Variants in COMMD10 observed in about 807,000 individuals in gnomAD.
COMMD10 encodes the protein COMM domain-containing protein 10.
A neutral mutation model predicts 28.9 loss-of-function variants in COMMD10; 33 were observed. That is an observed-to-expected ratio of 1.14 (90% CI 0.87 to 1.53). COMMD10 has a LOEUF of 1.53. Ranked by LOEUF, COMMD10 falls within the 40% of genes most tolerant of loss-of-function variation. COMMD10 has a pLI of 0.00. For synonymous variants in COMMD10, 110 were observed against 81.7 expected (o/e 1.35, Z -1.87); for missense variants, 310 against 233.4 (o/e 1.33, Z -2.14).
chr5:116,287,889 A>G (rs994753838), intron 5 of COMMD10, among the ~76,000 whole-genome samples: 2 of 151,680 alleles, frequency 1.3e-5, no homozygotes, highest in Non-Finnish European at 2.9e-5. Flanking sequence ...TACAAATTAC[A>G]TTTCTATATA....
Position 116,262,011 on chromosome 5 carries a change from A to G in COMMD10, c.511-29506A>G, listed in dbSNP as rs144240242. ...ACAATCCTTAGAGATCTAAGTTTGT[A>G]TTATTTTTTCCACTTTCAGATAAAG... On this transcript the variant is annotated intron_variant, in intron 5 of 6. Transcript: ENST00000274458. Among the ~76,000 whole-genome samples the G allele has an allele frequency of 3.5e-3, 532 of 151,812 alleles. 4 individuals carry two copies. Among genetic ancestry groups the G allele is most frequent in the Middle Eastern group, 0.02 (6 of 294 alleles).
chr5:116,120,611 T>A (rs1336992414), intron 4 of COMMD10, among the ~76,000 whole-genome samples: 5 of 152,196 alleles, frequency 3.3e-5, no homozygotes. Context: ...CAACCCCTGC[T>A]CTACATTCTG....
intron 5 of COMMD10, among the ~76,000 whole-genome samples, chr5:116,269,535 T>C (rs1750699584): frequency 6.6e-6 from 1 of 151,902 alleles, no homozygotes; most frequent in African/African-American, 2.4e-5. Context: ...AGTGATATTT[T>C]CACCTGGTAT....
At chr5:116,133,167 G>T (rs2112771298) in intron 4 of COMMD10, among the ~76,000 whole-genome samples, 1 of 152,182 alleles carries the variant, frequency 6.6e-6, no homozygotes, top group African/African-American at 2.4e-5. Flanking sequence ...GTTCTCAGAG[G>T]CATATGACAA....
At chr5:116,134,832 A>G (rs1407540215) in intron 5 of COMMD10, among the ~76,000 whole-genome samples, 1 of 152,120 alleles carries the variant, frequency 6.6e-6, no homozygotes, top group African/African-American at 2.4e-5. Context: ...CGTGTTAGCC[A>G]GGATGGTCTC....
intron 5 of COMMD10, among the ~76,000 whole-genome samples, chr5:116,144,065 C>T (rs1427151498): frequency 6.6e-6 from 1 of 151,730 alleles, no homozygotes; most frequent in Admixed American, 6.6e-5. Flanking sequence ...ATGGAGGTAC[C>T]TGAGATATCC....
intron 5 of COMMD10, among the ~76,000 whole-genome samples, chr5:116,229,747 A>G (rs1260933436): frequency 1.3e-5 from 2 of 152,054 alleles, no homozygotes; most frequent in East Asian, 3.9e-4. Flanking sequence ...TTGTCCAGCA[A>G]GTGAAAAGAT....
chr5:116,192,966 T>G (rs991996554), intron 5 of COMMD10, among the ~76,000 whole-genome samples: 1 of 152,222 alleles, frequency 6.6e-6, no homozygotes, highest in Non-Finnish European at 1.5e-5. Context: ...AGCAGATTTC[T>G]CAGCAGAAAC....
At chr5:116,107,967 T>C (rs1230035682) in intron 4 of COMMD10, among the ~76,000 whole-genome samples, 1 of 152,212 alleles carries the variant, frequency 6.6e-6, no homozygotes, top group African/African-American at 2.4e-5. Flanking sequence ...GGATGTCCAC[T>C]CCAGACCCTG....
intron 4 of COMMD10, among the ~76,000 whole-genome samples, chr5:116,107,714 G>T (rs1750888469): frequency 6.6e-6 from 1 of 151,964 alleles, no homozygotes; most frequent in South Asian, 2.1e-4. Flanking sequence ...GTCCAGTTTT[G>T]TTCCCTTGCT....
chr5:116,182,706 T>C (rs1748011747), intron 5 of COMMD10, among the ~76,000 whole-genome samples: 1 of 152,128 alleles, frequency 6.6e-6, no homozygotes, highest in Non-Finnish European at 1.5e-5. Flanking sequence ...ATTAAAATTC[T>C]ATCTCCAAGT....
intron 5 of COMMD10, among the ~76,000 whole-genome samples, chr5:116,222,541 A>T (rs981404659): frequency 6.6e-6 from 1 of 152,172 alleles, no homozygotes; most frequent in Non-Finnish European, 1.5e-5. Context: ...AGTTGACACT[A>T]TGTTTTATGA....
At chr5:116,220,084 G>A (rs1749207228) in intron 5 of COMMD10, among the ~76,000 whole-genome samples, 1 of 152,272 alleles carries the variant, frequency 6.6e-6, no homozygotes, top group African/African-American at 2.4e-5. Context: ...TATCAAAGCT[G>A]AAGCTTTCTA....
At position 116,160,530 on chromosome 5, in the gene COMMD10, T is replaced by TAATA. The variant is rs150530637; in HGVS notation, c.510+26353_510+26356dup. The stretch of plus-strand genomic sequence containing the variant: ...TTGGATGAGTCTCTTAGGTACAAGG[T>TAATA]AATAGATTTATACTCTTTAACAGCT... On this transcript the variant is annotated intron_variant, in intron 5 of 6. Coordinates refer to ENST00000274458, the MANE Select transcript of COMMD10 (RefSeq NM_016144.4). 8.7e-3 allele frequency among the ~76,000 whole-genome samples: 1,327 copies of TAATA among 152,172 alleles called. 14 individuals are homozygous for TAATA. Among genetic ancestry groups the TAATA allele is most frequent in the South Asian group, 0.023 (110 of 4,830 alleles).
chr5:116,228,164 T>G (rs1749443257), intron 5 of COMMD10, among the ~76,000 whole-genome samples: 1 of 151,944 alleles, frequency 6.6e-6, no homozygotes, highest in Non-Finnish European at 1.5e-5. Flanking sequence ...TATCTCAAGT[T>G]TGCTTACAGG....
At chr5:116,283,877 C>G (rs998128483) in intron 5 of COMMD10, among the ~76,000 whole-genome samples, 2 of 151,918 alleles carry the variant, frequency 1.3e-5, no homozygotes, top group Non-Finnish European at 1.5e-5. Context: ...TGCCTGTAAT[C>G]CCAACACTTT....
intron 5 of COMMD10, among the ~76,000 whole-genome samples, chr5:116,173,978 A>G (rs1378326004): frequency 6.6e-6 from 1 of 152,106 alleles, no homozygotes; most frequent in African/African-American, 2.4e-5. Flanking sequence ...AAGATACAGC[A>G]GTAACCAAAG....
At chr5:116,154,591 C>T (rs1443489693) in intron 5 of COMMD10, among the ~76,000 whole-genome samples, 1 of 151,930 alleles carries the variant, frequency 6.6e-6, no homozygotes, top group African/African-American at 2.4e-5. Context: ...TATAAAAATT[C>T]TTTCAGATAG....
intron 5 of COMMD10, among the ~76,000 whole-genome samples, chr5:116,162,124 AG>A (rs1420529995): frequency 6.6e-6 from 1 of 152,246 alleles, no homozygotes; most frequent in Admixed American, 6.5e-5. Context: ...CCCCTTAAGT[AG>A]ATTCATTGAC....
Sources: gnomAD v4.1 joint callset for allele counts (sites outside exome capture counted in the v4.1 genomes callset) on GRCh38, gnomAD v4.1.1 for gene constraint, MANE v1.5 for transcripts, NCBI Gene and HGNC (gene_info 2026-07-23, HGNC 2026-07-21) for gene names.